The following CCDC171 variants were observed in gnomAD, a reference collection of about 807,000 sequenced individuals.
The protein encoded by CCDC171 is coiled-coil domain containing 171.
A neutral mutation model predicts 168.2 loss-of-function variants in CCDC171; 177 were observed. The observed-to-expected ratio is 1.05, with a 90% CI of 0.93 to 1.19. The LOEUF (loss-of-function observed/expected upper bound fraction) is 1.19. Among genes scored for constraint, CCDC171 ranks in the 50% most tolerant of loss-of-function variants. The pLI is 0.00. For synonymous variants in CCDC171, 687 were observed against 540.8 expected (o/e 1.27, Z -3.75); for missense variants, 1,991 against 1,539.0 (o/e 1.29, Z -4.91).
chr9:15,892,638 CA>C (rs1820374701), intron 24 of CCDC171, among the ~76,000 whole-genome samples: 1 of 152,012 alleles, frequency 6.6e-6, no homozygotes, highest in South Asian at 2.1e-4. Flanking sequence ...TCACCAACAA[CA>C]GGCAAGCCGA....
At chr9:15,833,433 A>C (rs150528414) in intron 21 of CCDC171, among the ~76,000 whole-genome samples, 1 of 152,220 alleles carries the variant, frequency 6.6e-6, no homozygotes, top group African/African-American at 2.4e-5. Flanking sequence ...TGTAAATGAT[A>C]TTCATTTATG....
chr9:15,638,132 A>T (rs947967594), intron 7 of CCDC171, among the ~76,000 whole-genome samples: 1 of 151,966 alleles, frequency 6.6e-6, no homozygotes, highest in Non-Finnish European at 1.5e-5. Context: ...GCTTTTGGAG[A>T]ACTTGAAGCT....
chr9:15,563,909 A>G (rs1433370495), intron 1 of CCDC171, 69 bp from the exon 2 acceptor site: 44 of 560,990 alleles, frequency 7.8e-5, no homozygotes, highest in South Asian at 4.6e-5. Context: ...AAAATAAACC[A>G]AAAAACAAGA....
chr9:15,745,203 A>C lies in CCDC171; in HGVS notation c.2555-312A>C, dbSNP rs771201149. Among the ~76,000 whole-genome samples the C allele has an allele frequency of 3.7e-4, 57 of 152,250 alleles. 1 individual carries two copies. The highest frequency in any genetic ancestry group is 1.3e-4 in the Admixed American group (2 of 15,284). ...ATTGTGTGAAAATGAGACAAATGTA[A>C]ATTTTCCAGTTGTGTTTTGAATGCA... On this transcript the variant is annotated intron_variant, in intron 17 of 25. Transcript: ENST00000380701.
chr9:15,917,733 T>C (rs1824719870), intron 24 of CCDC171, among the ~76,000 whole-genome samples: 1 of 151,670 alleles, frequency 6.6e-6, no homozygotes, highest in Non-Finnish European at 1.5e-5. Context: ...ACTTTTAAAA[T>C]GTGGAACTTT....
chr9:15,869,579 C>T (rs902433877), intron 23 of CCDC171, among the ~76,000 whole-genome samples: 3 of 150,200 alleles, frequency 2.0e-5, no homozygotes, highest in African/African-American at 7.4e-5. Flanking sequence ...TTAACTCTGG[C>T]TAGTTCCCTT....
chr9:15,952,521 C>T (rs1306229028), intron 25 of CCDC171, among the ~76,000 whole-genome samples: 1 of 152,020 alleles, frequency 6.6e-6, no homozygotes, highest in East Asian at 1.9e-4. Flanking sequence ...CCTCAGCCTC[C>T]CAAGTAGGTG....
Position 15,678,781 on chromosome 9 carries a change from A to G in CCDC171, c.1100A>G (p.Lys367Arg). The change falls in exon 10 of 26, where the codon AAA (lysine) becomes AGA (arginine). Residue 367 changes from lysine (K) to arginine (R), a missense_variant. By Grantham distance (26) the Lys-to-Arg change is conservative. Transcript: ENST00000380701. ...AGATTAGAAAAAGAGTATTTCTCCA[A>G]AAATAAGAAACTAAATGAAGACATC... Reference protein sequence around the residue: ...LNLLEKEYFSKNKKLNEDIEE... With the variant: ...LNLLEKEYFSRNKKLNEDIEE... 1 of 1,591,256 alleles carries G rather than the reference A, an allele frequency of 6.3e-7. No homozygotes were observed. Among genetic ancestry groups the G allele is most frequent in the Non-Finnish European group, 8.5e-7 (1 of 1,173,694 alleles).
chr9:15,596,139 T>C (rs1394243874), intron 6 of CCDC171, among the ~76,000 whole-genome samples: 1 of 152,206 alleles, frequency 6.6e-6, no homozygotes, highest in Non-Finnish European at 1.5e-5. Flanking sequence ...GTAGGAGCTC[T>C]TTAGTTTAAT....
At chr9:16,022,924 T>C (rs946812924) in intron 6 of CCDC171, 17 of 152,176 alleles carry the variant, frequency 1.1e-4, no homozygotes, top group African/African-American at 4.1e-4. Context: ...CAACCTTTCA[T>C]ATGTTGAATT....
At chr9:16,095,084 C>T in the CCDC171 span, among the ~76,000 whole-genome samples, 1 of 152,206 alleles carries the variant, frequency 6.6e-6, no homozygotes, top group Non-Finnish European at 1.5e-5. Context: ...GCCATGCTTC[C>T]TGTACAGCCT....
chr9:15,862,080 G>A (rs2061584316), intron 23 of CCDC171, among the ~76,000 whole-genome samples: 1 of 151,136 alleles, frequency 6.6e-6, no homozygotes, highest in Non-Finnish European at 1.5e-5. Context: ...GGCTTGCAAA[G>A]TTTGAGCTGA....
At position 15,806,144 on chromosome 9, in the gene CCDC171, G is replaced by A. The variant is rs549030924; in HGVS notation, c.3267+21450G>A. Among the ~76,000 whole-genome samples, 92 of 152,062 alleles carry A rather than the reference G, an allele frequency of 6.1e-4. 1 individual carries two copies. The highest frequency in any genetic ancestry group is 6.8e-3 in the Middle Eastern group (2 of 294). ...ACCTGTGTCTTTGCATGTGAGATGA[G>A]TCTCTTGAAGACAGCATACCGATGG... On this transcript the variant is annotated intron_variant, in intron 21 of 25. Transcript: ENST00000380701.
chr9:16,099,713 T>C, the CCDC171 span, among the ~76,000 whole-genome samples: 2 of 152,178 alleles, frequency 1.3e-5, no homozygotes, highest in Non-Finnish European at 2.9e-5. Flanking sequence ...CTGCACTGAT[T>C]TGGCAATGAG....
chr9:15,624,969 A>G (rs1279788729), intron 7 of CCDC171, among the ~76,000 whole-genome samples: 1 of 152,160 alleles, frequency 6.6e-6, no homozygotes, highest in Non-Finnish European at 1.5e-5. Context: ...CATCCTCTCC[A>G]GCACCTGTTG....
intron 21 of CCDC171, among the ~76,000 whole-genome samples, chr9:15,831,810 C>G (rs1681718231): frequency 6.6e-6 from 1 of 151,880 alleles, no homozygotes; most frequent in South Asian, 2.1e-4. Context: ...AATAGGCTTA[C>G]AAAACTGCCT....
intron 21 of CCDC171, among the ~76,000 whole-genome samples, chr9:15,836,842 A>T (rs1249226698): frequency 1.3e-5 from 2 of 152,238 alleles, no homozygotes; most frequent in Non-Finnish European, 2.9e-5. Flanking sequence ...ATTTCGTATC[A>T]GTGGAACGGG....
intron 16 of CCDC171, among the ~76,000 whole-genome samples, chr9:15,743,999 G>A (rs1187190625): frequency 6.6e-6 from 1 of 152,088 alleles, no homozygotes; most frequent in Non-Finnish European, 1.5e-5. Context: ...TAAGTCTACA[G>A]GAAATATATG....
intron 11 of CCDC171, among the ~76,000 whole-genome samples, chr9:15,709,026 C>T (rs909347994): frequency 2.0e-5 from 3 of 151,506 alleles, no homozygotes; most frequent in South Asian, 2.1e-4. Flanking sequence ...CACCACAAAA[C>T]GAGGGGAAAG....
Sources: gnomAD v4.1 joint callset for allele counts (sites outside exome capture counted in the v4.1 genomes callset) on GRCh38, gnomAD v4.1.1 for gene constraint, MANE v1.5 for transcripts, NCBI Gene and HGNC (gene_info 2026-07-23, HGNC 2026-07-21) for gene names.